The following NUFIP1 variants were observed in gnomAD, a reference collection of about 807,000 sequenced individuals.
NUFIP1 encodes the protein FMR1-interacting protein NUFIP1.
In NUFIP1, 38 loss-of-function variants were observed where a neutral mutation model predicts 56.2. The observed-to-expected ratio is 0.68, with a 90% confidence interval of 0.52 to 0.89. NUFIP1 has a LOEUF of 0.89. NUFIP1 is among the 40% of genes least tolerant of loss of function. The pLI is 0.00. For missense variants in NUFIP1, 567 were observed against 605.8 expected (o/e 0.94, Z 0.67); for synonymous variants, 215 against 212.4 (o/e 1.01, Z -0.10).
In NUFIP1 at chr13:44,963,404, T is replaced by C. The variant is rs796584090; in HGVS notation, c.827+2440A>G. 3.9e-5 allele frequency among the ~76,000 whole-genome samples: 6 copies of C among 152,366 alleles called. 1 individual carries two copies. Among genetic ancestry groups the C allele is most frequent in the African/African-American group, 1.4e-4 (6 of 41,598 alleles). ...TCTTACATGTATTTGGCAACCTTGC[T>C]AAATTCATTTATAAAAGTGGTAACA... is the stretch of plus-strand genomic sequence containing the variant. On this transcript the variant is annotated intron_variant, in intron 6 of 9. Coordinates refer to ENST00000379161, the MANE Select transcript of NUFIP1 (RefSeq NM_012345.3).
chr13:44,988,926 C>A, intron 1 of NUFIP1, 99 bp downstream of exon 1: 1 of 1,234,234 alleles, frequency 8.1e-7, no homozygotes, highest in South Asian at 1.4e-5. Context: ...TCCAAGAGTG[C>A]AGAGGCAAGG....
chr13:44,973,806 G>C (rs1361878985), intron 5 of NUFIP1, among the ~76,000 whole-genome samples: 1 of 152,160 alleles, frequency 6.6e-6, no homozygotes, highest in Non-Finnish European at 1.5e-5. Flanking sequence ...GATGGAGTAG[G>C]TAAGATCTTC....
chr13:44,985,482 C>T (rs1197843612), intron 1 of NUFIP1, among the ~76,000 whole-genome samples: 6 of 152,168 alleles, frequency 3.9e-5, no homozygotes, highest in Non-Finnish European at 5.9e-5. Flanking sequence ...TAAGGGTCTG[C>T]GGCAACCCTA....
chr13:44,988,968 G>A, intron 1 of NUFIP1, 57 bp downstream of exon 1: 3 of 1,555,076 alleles, frequency 1.9e-6, no homozygotes, highest in Non-Finnish European at 2.6e-6. Context: ...AGAAAGGGGA[G>A]AGGAAAGAAC....
chr13:44,947,234 CTTTTTTTT>C (rs899115570), intron 8 of NUFIP1, among the ~76,000 whole-genome samples: 2 of 124,314 alleles, frequency 1.6e-5, no homozygotes, highest in Non-Finnish European at 3.4e-5. Flanking sequence ...AAGCTTATTC[CTTTTTTTT>C]TTTTTTTTTT....
At chr13:44,986,549 G>A (rs548626778) in intron 1 of NUFIP1, among the ~76,000 whole-genome samples, 95 of 152,094 alleles carry the variant, frequency 6.2e-4, no homozygotes, top group African/African-American at 9.4e-4. Flanking sequence ...AAAATCAGCC[G>A]GGCGTGGTGG....
At position 44,989,357 on chromosome 13, in the gene NUFIP1, A is replaced by AGG. The variant is rs1223589298; in HGVS notation, c.78_79dup (p.Leu27ProfsTer2). 1 of 1,613,134 alleles carries AGG rather than the reference A, an allele frequency of 6.2e-7. No individual in the cohort carries two copies. The highest frequency in any genetic ancestry group is 2.2e-5 in the East Asian group (1 of 44,832). On this transcript the variant is annotated frameshift_variant, in exon 1 of 10. Transcript: ENST00000379161. LOFTEE classifies it high-confidence loss of function. Reference sequence around the variant, plus strand: ...GTCCCGCGGCGGGGCAGTGTCGCTCAGGGGCCCTAACGTGGGAGTCAGCTC... The same window carrying AGG: ...GTCCCGCGGCGGGGCAGTGTCGCTCAGGGGGGCCCTAACGTGGGAGTCAGCTC...
intron 5 of NUFIP1, among the ~76,000 whole-genome samples, chr13:44,966,266 T>G (rs1161391782): frequency 2.0e-5 from 3 of 152,152 alleles, no homozygotes; most frequent in African/African-American, 4.8e-5. Context: ...TAAAAAAAAT[T>G]TTTAAGTCTA....
chr13:44,948,289 G>A lies in NUFIP1; in HGVS notation c.1138+1433C>T, dbSNP rs56011523. ...TCCTGGGTACTGGGACTACAGGCAC[G>A]TGCTGCCATGCCCGGCTAACTTTTG... On this transcript the variant is annotated intron_variant, in intron 8 of 9. Transcript: ENST00000379161. Among the ~76,000 whole-genome samples the A allele has an allele frequency of 8.0e-3, 1,218 of 151,882 alleles. 16 individuals carry two copies. Among genetic ancestry groups the A allele is most frequent in the African/African-American group, 0.028 (1,141 of 41,392 alleles).
chr13:44,968,750 T>C (rs1254786523), intron 5 of NUFIP1, among the ~76,000 whole-genome samples: 3 of 152,228 alleles, frequency 2.0e-5, no homozygotes, highest in Non-Finnish European at 4.4e-5. Context: ...ACTCTTACCA[T>C]GTTGGGCTAT....
chr13:44,975,493 C>G (rs1276038956), intron 5 of NUFIP1, among the ~76,000 whole-genome samples: 1 of 152,156 alleles, frequency 6.6e-6, no homozygotes, highest in East Asian at 1.9e-4. Context: ...ATTTAATCCC[C>G]AAACACTGCC....
intron 1 of NUFIP1, among the ~76,000 whole-genome samples, chr13:44,982,893 A>G (rs1453131643): frequency 6.6e-6 from 1 of 152,184 alleles, no homozygotes; most frequent in Non-Finnish European, 1.5e-5. Context: ...CTGTAGTCCT[A>G]GCTACTGTGG....
At chr13:44,988,525 T>C (rs1288236986) in intron 1 of NUFIP1, among the ~76,000 whole-genome samples, 5 of 152,230 alleles carry the variant, frequency 3.3e-5, no homozygotes, top group Non-Finnish European at 7.3e-5. Flanking sequence ...TCCATGCCAC[T>C]CAACCTTCTA....
intron 7 of NUFIP1, among the ~76,000 whole-genome samples, chr13:44,951,152 G>A (rs1333348875): frequency 6.6e-6 from 1 of 152,138 alleles, no homozygotes; most frequent in Non-Finnish European, 1.5e-5. Flanking sequence ...TAAAGGGAAA[G>A]GAAAGTATGA....
chr13:44,953,915 T>C (rs1871151449), intron 7 of NUFIP1, among the ~76,000 whole-genome samples: 2 of 152,174 alleles, frequency 1.3e-5, no homozygotes, highest in Admixed American at 1.3e-4. Context: ...TCCACTCAGT[T>C]AAATGTTTAA....
intron 8 of NUFIP1, among the ~76,000 whole-genome samples, chr13:44,945,649 A>G (rs1870881400): frequency 6.6e-6 from 1 of 152,094 alleles, no homozygotes; most frequent in Non-Finnish European, 1.5e-5. Flanking sequence ...CTGGGAATAC[A>G]GGCTGGTTTG....
chr13:44,951,787 T>C (rs759854745), intron 7 of NUFIP1, among the ~76,000 whole-genome samples: 15 of 152,352 alleles, frequency 9.8e-5, no homozygotes, highest in South Asian at 8.3e-4. Context: ...AAGTGTGCAA[T>C]AGCATTATGT....
At chr13:44,950,726 C>T in intron 7 of NUFIP1, among the ~76,000 whole-genome samples, 1 of 152,144 alleles carries the variant, frequency 6.6e-6, no homozygotes, top group East Asian at 1.9e-4. Flanking sequence ...AAGCATAATA[C>T]TAAAGTGCCT....
At chr13:44,949,948 A>C (rs1175384) in intron 7 of NUFIP1, 110 bp from the exon 8 acceptor site, 64,477 of 749,252 alleles carry the variant, frequency 0.086, 4,842 homozygotes, top group African/African-American at 0.31. Flanking sequence ...TCATTTCCTT[A>C]ATCTTTCCAA....
Sources: allele counts gnomAD v4.1 joint callset (sites outside exome capture counted in the v4.1 genomes callset), GRCh38; gene constraint gnomAD v4.1.1; transcripts MANE v1.5; gene names NCBI Gene and HGNC (gene_info 2026-07-23, HGNC 2026-07-21).